Variants in ABCB11 observed in about 807,000 individuals in gnomAD.
The protein encoded by ABCB11 is bile salt export pump.
ABCB11 carries 95 observed loss-of-function variants against 148.0 expected under a neutral mutation model. The observed-to-expected ratio is 0.64, with a 90% CI of 0.54 to 0.76. ABCB11 has a LOEUF of 0.76. Ranked by LOEUF, ABCB11 falls within the 30% of genes least tolerant of loss-of-function variation. The pLI, the probability that ABCB11 is intolerant of heterozygous loss-of-function variation, is 0.00. For missense variants in ABCB11, 1,523 were observed against 1,617.8 expected (o/e 0.94, Z 1.01); for synonymous variants, 591 against 555.4 (o/e 1.06, Z -0.90).
intron 8 of ABCB11, among the ~76,000 whole-genome samples, chr2:168,991,440 T>C (rs1228596299): frequency 1.3e-5 from 2 of 152,134 alleles, no homozygotes; most frequent in Non-Finnish European, 2.9e-5. Context: ...CTATGTAGTT[T>C]TGATTTTTAC....
At chr2:168,948,146 A>G (rs1237231877) in intron 19 of ABCB11, among the ~76,000 whole-genome samples, 1 of 151,780 alleles carries the variant, frequency 6.6e-6, no homozygotes, top group Non-Finnish European at 1.5e-5. Flanking sequence ...AACTCTCCAC[A>G]GCAGCTCATA....
chr2:169,000,478 A>T (rs1269403356), intron 5 of ABCB11, among the ~76,000 whole-genome samples: 1 of 151,980 alleles, frequency 6.6e-6, no homozygotes, highest in Non-Finnish European at 1.5e-5. Context: ...GTGTAATTTC[A>T]TTTTTTTGCC....
intron 5 of ABCB11, among the ~76,000 whole-genome samples, chr2:169,003,636 T>C (rs1381774267): frequency 1.3e-5 from 2 of 152,082 alleles, no homozygotes; most frequent in Admixed American, 6.5e-5. Context: ...GATCAAACGG[T>C]AGATCTACGT....
chr2:168,949,755 G>A (rs993265517), intron 19 of ABCB11, among the ~76,000 whole-genome samples: 3 of 151,666 alleles, frequency 2.0e-5, no homozygotes, highest in Admixed American at 1.3e-4. Flanking sequence ...AGAATACAAA[G>A]TATTGATCCC....
intron 20 of ABCB11, 35 bp from the exon 21 acceptor site, chr2:168,944,801 TA>T (rs1692228249): frequency 6.2e-7 from 1 of 1,608,974 alleles, no homozygotes; most frequent in South Asian, 1.1e-5. Context: ...AGAGAAATTT[TA>T]ATGAGAAAAA....
At chr2:168,944,228 A>C (rs1463077141) in intron 21 of ABCB11, among the ~76,000 whole-genome samples, 2 of 151,890 alleles carry the variant, frequency 1.3e-5, no homozygotes, top group African/African-American at 4.8e-5. Flanking sequence ...GCTAAACCAC[A>C]CTCTGGGGTC....
At chr2:169,007,686 A>G (rs1195458183) in intron 5 of ABCB11, among the ~76,000 whole-genome samples, 1 of 152,108 alleles carries the variant, frequency 6.6e-6, no homozygotes, top group Admixed American at 6.6e-5. Flanking sequence ...CCAAAATTAA[A>G]CACTTTAGTG....
intron 25 of ABCB11, among the ~76,000 whole-genome samples, chr2:168,928,564 G>T (rs1206539869): frequency 6.6e-6 from 1 of 152,158 alleles, no homozygotes. Context: ...TGAAATGCAA[G>T]AAGTCATAAT....
intron 18 of ABCB11, among the ~76,000 whole-genome samples, chr2:168,960,882 A>C (rs1693042176): frequency 1.3e-5 from 2 of 151,778 alleles, no homozygotes; most frequent in South Asian, 4.1e-4. Flanking sequence ...ATAAATTAAC[A>C]ACAAATCTCA....
intron 24 of ABCB11, among the ~76,000 whole-genome samples, chr2:168,932,057 G>T (rs1409991856): frequency 6.6e-6 from 1 of 151,996 alleles, no homozygotes; most frequent in Non-Finnish European, 1.5e-5. Flanking sequence ...TGTAGAATGT[G>T]CAGGCTTGTT....
chr2:168,935,368 G>A lies in ABCB11; in HGVS notation c.2872C>T (p.Arg958Trp), dbSNP rs766744091. 7.9e-5 allele frequency: 128 copies of A among 1,613,840 alleles called. No homozygotes were observed. The highest frequency in any genetic ancestry group is 9.6e-5 in the Non-Finnish European group (113 of 1,179,880). ...RTVAGIGKER[R>W]FIEALETELE... ...TCAGTCTCAAGTGCTTCAATGAACC[G>A]CCTCTCCTTTCCAATTCCAGCAACA... Residue 958 changes from arginine (R) to tryptophan (W), a missense_variant, in exon 23 of 28, where the codon CGG (arginine) becomes TGG (tryptophan). Arg to Trp is a moderately radical substitution (Grantham distance 101, BLOSUM62 -3). Transcript: ENST00000650372.
chr2:169,019,284 G>T (rs1424491481), intron 1 of ABCB11, among the ~76,000 whole-genome samples: 1 of 152,174 alleles, frequency 6.6e-6, no homozygotes, highest in Non-Finnish European at 1.5e-5. Flanking sequence ...GAAGCAGAGA[G>T]TGGAGAATGA....
chr2:168,948,374 G>C (rs3898462), intron 19 of ABCB11, among the ~76,000 whole-genome samples: 2 of 151,706 alleles, frequency 1.3e-5, no homozygotes, highest in African/African-American at 4.8e-5. Context: ...CTCCCTACTA[G>C]AATGTCAGCT....
At position 168,970,079 on chromosome 2, in the gene ABCB11, T is replaced by C; in HGVS notation, c.1775A>G (p.Glu592Gly). The change falls in exon 15 of 28, where the codon GAG becomes GGG. Residue 592 changes from glutamate to glycine, a missense_variant. Transcript: ENST00000650372. The part of the protein sequence containing the change: ...LDMATSALDN[E>G]SEAMVQEVLS... Reference sequence around the variant, plus strand: ...CACTTCTTGCACCATGGCTTCACTCTCATTGTCCAGAGCTGAGGTGGCCAT... The same window carrying C: ...CACTTCTTGCACCATGGCTTCACTCCCATTGTCCAGAGCTGAGGTGGCCAT... The C allele has an allele frequency of 6.2e-7, 1 of 1,612,658 alleles. No individual in the cohort carries two copies. Among genetic ancestry groups the C allele is most frequent in the Non-Finnish European group, 8.5e-7 (1 of 1,179,076 alleles).
intron 10 of ABCB11, among the ~76,000 whole-genome samples, chr2:168,980,357 T>C (rs1360955396): frequency 6.6e-6 from 1 of 152,046 alleles, no homozygotes; most frequent in East Asian, 1.9e-4. Flanking sequence ...GGTTAAAGGG[T>C]TGCCAAAAAC....
chr2:169,023,592 T>C (rs995306783), intron 1 of ABCB11, among the ~76,000 whole-genome samples: 3 of 152,228 alleles, frequency 2.0e-5, no homozygotes, highest in African/African-American at 7.2e-5. Flanking sequence ...TTAAAATCAA[T>C]GAATTGGCAT....
chr2:168,936,093 G>A (rs1228666805), intron 22 of ABCB11, 137 bp downstream of exon 22: 14 of 781,114 alleles, frequency 1.8e-5, no homozygotes, highest in Non-Finnish European at 2.8e-5. Context: ...GCATAGAAAG[G>A]GTGGTGGAAG....
chr2:168,937,579 T>C (rs1483248076), intron 21 of ABCB11, among the ~76,000 whole-genome samples: 1 of 152,244 alleles, frequency 6.6e-6, no homozygotes, highest in Non-Finnish European at 1.5e-5. Context: ...CTGAGATTAA[T>C]GCAGCCCTAA....
At chr2:168,970,825 T>C (rs1693551588) in intron 14 of ABCB11, among the ~76,000 whole-genome samples, 1 of 152,006 alleles carries the variant, frequency 6.6e-6, no homozygotes, top group African/African-American at 2.4e-5. Flanking sequence ...CTCTTTTAGT[T>C]CTCATAGATA....
Sources: allele counts gnomAD v4.1 joint callset (sites outside exome capture counted in the v4.1 genomes callset), GRCh38; gene constraint gnomAD v4.1.1; transcripts MANE v1.5; gene names NCBI Gene and HGNC (gene_info 2026-07-23, HGNC 2026-07-21).